ZNF385D: variants seen among roughly 807,000 people sequenced by gnomAD.
The protein encoded by ZNF385D is zinc finger protein 659.
A neutral mutation model predicts 35.8 loss-of-function variants in ZNF385D; 15 were observed. The ratio of observed to expected loss-of-function variants is 0.42; its 90% CI spans 0.28 to 0.64. The LOEUF is 0.64. ZNF385D is among the 30% of genes least tolerant of loss of function. The pLI is 0.23. For synonymous variants in ZNF385D, 212 were observed against 186.8 expected, an observed-to-expected ratio of 1.13 and a Z score of -1.10; for missense variants, 474 against 494.6, an observed-to-expected ratio of 0.96 and a Z score of 0.39.
At chr3:22,141,128 A>T (rs898532770) in intron 3 of ZNF385D, among the ~76,000 whole-genome samples, 4 of 152,220 alleles carry the variant, frequency 2.6e-5, no homozygotes, top group Non-Finnish European at 5.9e-5. Flanking sequence ...TTACTTAAAA[A>T]CATAAGAGAG....
chr3:21,579,315 TC>T (rs2063584070), intron 2 of ZNF385D: 1 of 152,228 alleles, frequency 6.6e-6, no homozygotes, highest in Non-Finnish European at 1.5e-5. Context: ...TGCATCTGGT[TC>T]TTGGGCAAGT....
chr3:21,994,933 G>A lies in ZNF385D; in HGVS notation c.325+173884C>T, dbSNP rs113921739. Among the ~76,000 whole-genome samples, 896 of 152,352 alleles carry A rather than the reference G, an allele frequency of 5.9e-3. 8 individuals carry two copies. Among genetic ancestry groups the A allele is most frequent in the African/African-American group, 0.019 (806 of 41,578 alleles). On this transcript the variant is annotated intron_variant, in intron 3 of 5. Transcript: ENST00000494108. ...TCATTGGGCACTAGTGGCAACAGCA[G>A]TGGGCTGGGTGTGTAAACACTTGAG...
At chr3:21,701,543 C>T (rs2067684147) in intron 1 of ZNF385D, among the ~76,000 whole-genome samples, 1 of 152,064 alleles carries the variant, frequency 6.6e-6, no homozygotes, top group African/African-American at 2.4e-5. Context: ...ATCTCATGTC[C>T]TCACATTTCG....
chr3:21,849,647 C>T (rs1696255759), intron 3 of ZNF385D: 1 of 118,468 alleles, frequency 8.4e-6, no homozygotes, highest in Non-Finnish European at 1.7e-5. Flanking sequence ...TCGCTCTACA[C>T]ATCATTACCT....
rs545337069 is a variant in ZNF385D, at chr3:21,570,187, T to C, written c.166-5503A>G. Among the ~76,000 whole-genome samples, 52 of 152,260 alleles carry C rather than the reference T, an allele frequency of 3.4e-4. 1 individual carries two copies. The highest frequency in any genetic ancestry group is 3.4e-3 in the Middle Eastern group (1 of 294). On this transcript the variant is annotated intron_variant, in intron 2 of 7. Coordinates refer to ENST00000281523, the MANE Select transcript of ZNF385D (RefSeq NM_024697.3). ...CGCTTACCCAAACTCTAGGCTAAAA[T>C]TCAATTTCAAACTCAGCCCATGGCC...
At position 22,094,385 on chromosome 3, in the gene ZNF385D, G is replaced by GATATAT. The variant is rs140274686; in HGVS notation, c.325+74426_325+74431dup. Among the ~76,000 whole-genome samples the GATATAT allele has an allele frequency of 6.0e-3, 426 of 70,828 alleles. 15 individuals are homozygous for GATATAT. The highest frequency in any genetic ancestry group is 0.016 in the African/African-American group (372 of 23,202). 46.5% of individuals were successfully genotyped at this position (70,828 alleles called of 152,430 possible). A position where few individuals can be genotyped will look rare whatever the true frequency, so the allele number is the denominator to read the frequency against. On this transcript the variant is annotated intron_variant, in intron 3 of 5. Transcript: ENST00000494108. ...CCATTGTCTTCTGTCATTTATTGTT[G>GATATAT]ATATATATATATATATATATATATA...
intron 4 of ZNF385D, among the ~76,000 whole-genome samples, chr3:21,460,083 G>A (rs1014415268): frequency 6.6e-6 from 1 of 152,134 alleles, no homozygotes; most frequent in Non-Finnish European, 1.5e-5. Context: ...GCTCTTTAGT[G>A]TCCATGTTTC....
intron 2 of ZNF385D, among the ~76,000 whole-genome samples, chr3:22,226,080 A>C (rs968167094): frequency 2.0e-5 from 3 of 152,156 alleles, no homozygotes; most frequent in Non-Finnish European, 4.4e-5. Context: ...AAAAGAAACT[A>C]TATGTGGAAA....
chr3:22,314,912 T>C (rs796386833), intron 2 of ZNF385D, among the ~76,000 whole-genome samples: 75 of 152,162 alleles, frequency 4.9e-4, no homozygotes, highest in African/African-American at 1.7e-3. Flanking sequence ...AATGGAAATG[T>C]GTAGTACTAT....
chr3:21,870,998 A>C (rs1217851249), intron 3 of ZNF385D, among the ~76,000 whole-genome samples: 1 of 152,138 alleles, frequency 6.6e-6, no homozygotes, highest in African/African-American at 2.4e-5. Context: ...CATGCCACTT[A>C]TCTGCTAAAA....
intron 3 of ZNF385D, among the ~76,000 whole-genome samples, chr3:21,841,969 T>G (rs1335651091): frequency 1.3e-5 from 2 of 151,658 alleles, no homozygotes; most frequent in South Asian, 4.1e-4. Flanking sequence ...CACACATATA[T>G]AATTGAATCT....
At position 21,757,340 on chromosome 3, in the gene ZNF385D, G is replaced by A. The variant is rs559531662; in HGVS notation, c.326-92312C>T. Among the ~76,000 whole-genome samples, 14 of 151,972 alleles carry A rather than the reference G, an allele frequency of 9.2e-5. No homozygotes were observed. In the South Asian group the frequency reaches 2.1e-3, roughly 23 times the overall value. The stretch of plus-strand genomic sequence containing the variant: ...GTATTTTTGGTAGAGATAGGGTTTT[G>A]CCATGTTGGCCAGGCTGGTCTTGAA... On this transcript the variant is annotated intron_variant, in intron 3 of 5. Coordinates refer to the ZNF385D transcript ENST00000494108.
chr3:22,144,615 CACTT>C (rs1254313193), intron 3 of ZNF385D, among the ~76,000 whole-genome samples: 4 of 129,302 alleles, frequency 3.1e-5, no homozygotes, highest in African/African-American at 8.4e-5. Context: ...GCCTTTCAAA[CACTT>C]ACTTTTATTT....
chr3:22,103,716 T>C (rs1702059583), intron 3 of ZNF385D, among the ~76,000 whole-genome samples: 1 of 137,184 alleles, frequency 7.3e-6, no homozygotes, highest in African/African-American at 2.5e-5. Flanking sequence ...GCAAAAACAA[T>C]GGTGAAATAA....
At chr3:21,605,727 G>T (rs867773213) in intron 2 of ZNF385D, among the ~76,000 whole-genome samples, 13 of 152,140 alleles carry the variant, frequency 8.5e-5, no homozygotes, top group South Asian at 6.2e-4. Flanking sequence ...AAGATTAGTT[G>T]TTAAATATCT....
rs1176360842 is a variant in ZNF385D at position 22,345,093 on chromosome 3, C to T, written c.106+27357G>A. On this transcript the variant is annotated intron_variant, in intron 2 of 5. Coordinates refer to the ZNF385D transcript ENST00000494108. ...TGGGTCCTAGTATACATTTCTCACA[C>T]ATTGCTATTCAACAGGTGCTATGTG... Among the ~76,000 whole-genome samples the T allele has an allele frequency of 5.3e-5, 8 of 152,278 alleles. No individual in the cohort carries two copies. In the East Asian group the frequency reaches 1.4e-3, roughly 26 times the overall value.
chr3:21,695,591 A>G (rs991568935), intron 1 of ZNF385D, among the ~76,000 whole-genome samples: 4 of 152,162 alleles, frequency 2.6e-5, no homozygotes, highest in Non-Finnish European at 5.9e-5. Context: ...TTCAATGGAA[A>G]GTATAAAACT....
chr3:21,643,429 C>A (rs2065662157), intron 2 of ZNF385D, among the ~76,000 whole-genome samples: 2 of 152,198 alleles, frequency 1.3e-5, no homozygotes, highest in Middle Eastern at 3.4e-3. Context: ...CTTCACTCTA[C>A]CCTAACACCA....
chr3:22,284,690 C>A (rs1701937351), intron 2 of ZNF385D, among the ~76,000 whole-genome samples: 1 of 152,110 alleles, frequency 6.6e-6, no homozygotes, highest in South Asian at 2.1e-4. Context: ...AAACTAACCA[C>A]ACTATCCAAA....
Sources: gnomAD v4.1 joint callset for allele counts (sites outside exome capture counted in the v4.1 genomes callset) on GRCh38, gnomAD v4.1.1 for gene constraint, MANE v1.5 for transcripts, NCBI Gene and HGNC (gene_info 2026-07-23, HGNC 2026-07-21) for gene names.